TBC1D22A: variants seen among roughly 807,000 people sequenced by gnomAD.
TBC1D22A encodes putative GTPase activator.
Under a neutral mutation model 60.2 loss-of-function variants are expected in TBC1D22A, and 38 were observed. That is an observed-to-expected ratio of 0.63 (90% confidence interval 0.49 to 0.83). The LOEUF (loss-of-function observed/expected upper bound fraction) is 0.83. Among genes scored for constraint, TBC1D22A ranks in the 40% least tolerant of loss-of-function variants. TBC1D22A has a pLI of 0.00. For missense variants in TBC1D22A, 628 were observed against 701.0 expected, an observed-to-expected ratio of 0.90 and a Z score of 1.18; for synonymous variants, 302 against 281.7, an observed-to-expected ratio of 1.07 and a Z score of -0.72.
intron 12 of TBC1D22A, among the ~76,000 whole-genome samples, chr22:47,145,910 G>T (rs1323107013): frequency 6.6e-6 from 1 of 152,230 alleles, no homozygotes; most frequent in Non-Finnish European, 1.5e-5. Flanking sequence ...GCACTGGATT[G>T]CTGGCCTGTC....
At chr22:46,791,590 A>G (rs1409293365) in intron 1 of TBC1D22A, among the ~76,000 whole-genome samples, 3 of 151,622 alleles carry the variant, frequency 2.0e-5, no homozygotes, top group Non-Finnish European at 4.4e-5. Context: ...GCCGGCTATG[A>G]AAAATAAATG....
At chr22:46,943,767 C>G (rs1454914792) in intron 8 of TBC1D22A, among the ~76,000 whole-genome samples, 2 of 152,180 alleles carry the variant, frequency 1.3e-5, no homozygotes, top group Non-Finnish European at 2.9e-5. Flanking sequence ...ATGGATTTGC[C>G]CTTTCTGACA....
intron 8 of TBC1D22A, among the ~76,000 whole-genome samples, chr22:46,925,294 G>C (rs2070986062): frequency 6.6e-6 from 1 of 152,200 alleles, no homozygotes. Flanking sequence ...AAGCATCTGA[G>C]CGTAGCACAT....
Position 47,090,372 on chromosome 22 carries a change from C to G in TBC1D22A, c.1330-21136C>G, listed in dbSNP as rs115052419. On this transcript the variant is annotated intron_variant, in intron 11 of 12. Coordinates refer to ENST00000337137, the MANE Select transcript of TBC1D22A (RefSeq NM_014346.5). ...GCGTCTTGGAGGTGCATAGACATTT[C>G]TGCCTGGATGCCACTCCAGGGTGGA... Among the ~76,000 whole-genome samples the G allele has an allele frequency of 2.1e-3, 321 of 152,392 alleles. 7 individuals are homozygous for G. The highest frequency in any genetic ancestry group is 7.5e-3 in the African/African-American group (312 of 41,598).
intron 8 of TBC1D22A, among the ~76,000 whole-genome samples, chr22:46,952,535 G>T (rs571591423): frequency 6.6e-6 from 1 of 152,314 alleles, no homozygotes; most frequent in South Asian, 2.1e-4. Context: ...GGGTGTGGGT[G>T]TTGGCCTGCA....
intron 12 of TBC1D22A, among the ~76,000 whole-genome samples, chr22:47,127,345 A>G (rs2147105142): frequency 6.7e-6 from 1 of 148,850 alleles, no homozygotes; most frequent in Non-Finnish European, 1.5e-5. Flanking sequence ...CTCCTGCCTC[A>G]GCCCCACGAG....
intron 12 of TBC1D22A, among the ~76,000 whole-genome samples, chr22:47,112,402 C>T (rs1361937463): frequency 2.0e-5 from 3 of 152,248 alleles, no homozygotes; most frequent in African/African-American, 4.8e-5. Flanking sequence ...CTTCACCGCT[C>T]TCCCTTCTCG....
intron 12 of TBC1D22A, among the ~76,000 whole-genome samples, chr22:47,153,165 G>T (rs1316687575): frequency 1.3e-5 from 2 of 152,132 alleles, no homozygotes; most frequent in Non-Finnish European, 2.9e-5. Flanking sequence ...AGTCCAGCCT[G>T]GCAGCAGGAG....
intron 12 of TBC1D22A, chr22:47,116,600 G>A (rs35822012): frequency 0.13 from 19,341 of 152,178 alleles, 1,417 homozygotes; most frequent in Non-Finnish European, 0.18. Context: ...AGCATGCTCC[G>A]GGCAGTCTGT....
Position 47,140,302 on chromosome 22 carries a change from T to TAATGTACTGTG in TBC1D22A, c.1425+28699_1425+28700insAATGTACTGTG, listed in dbSNP as rs1223790442. 2.0e-5 allele frequency among the ~76,000 whole-genome samples: 3 copies of TAATGTACTGTG among 152,218 alleles called. No homozygotes were observed. In the East Asian group the frequency reaches 5.8e-4, roughly 29 times the overall value. ...AAATGCTACTGTGGGCCGGGCGTGG[T>TAATGTACTGTG]GGCTCACGCCTGTAATCCCAGCACT... On this transcript the variant is annotated intron_variant, in intron 12 of 12. Coordinates refer to ENST00000337137, the MANE Select transcript of TBC1D22A (RefSeq NM_014346.5).
intron 11 of TBC1D22A, among the ~76,000 whole-genome samples, chr22:47,049,659 A>G (rs973034239): frequency 1.3e-5 from 2 of 152,178 alleles, no homozygotes; most frequent in African/African-American, 4.8e-5. Flanking sequence ...CACAAATCAA[A>G]TAGTACATAA....
chr22:47,065,658 G>GACTTA (rs60746562), intron 11 of TBC1D22A, among the ~76,000 whole-genome samples: 37 of 151,822 alleles, frequency 2.4e-4, no homozygotes, highest in South Asian at 6.2e-4. Flanking sequence ...TTGGATTGAG[G>GACTTA]GAGACCTGCG....
At chr22:46,862,296 C>T (rs1471378511) in intron 4 of TBC1D22A, among the ~76,000 whole-genome samples, 8 of 151,588 alleles carry the variant, frequency 5.3e-5, no homozygotes, top group Non-Finnish European at 5.9e-5. Context: ...AGTGGGTCCT[C>T]TGTAGATCTC....
chr22:46,783,111 C>T lies in TBC1D22A; in HGVS notation c.63-9409C>T, dbSNP rs146445103. 2.8e-3 allele frequency among the ~76,000 whole-genome samples: 429 copies of T among 152,334 alleles called. 7 individuals are homozygous for T. Among genetic ancestry groups the T allele is most frequent in the East Asian group, 1.3e-3 (7 of 5,194 alleles). On this transcript the variant is annotated intron_variant, in intron 1 of 12. Transcript: ENST00000337137. The stretch of plus-strand genomic sequence containing the variant: ...CGGTCTCTCTGCATCCTCACCATCA[C>T]GCTTTAGCGTCTTTTTCATTTCTGC...
At chr22:46,965,678 G>A (rs933891146) in intron 8 of TBC1D22A, among the ~76,000 whole-genome samples, 1 of 152,228 alleles carries the variant, frequency 6.6e-6, no homozygotes, top group African/African-American at 2.4e-5. Flanking sequence ...ATACACACAG[G>A]CAGAGCCTTG....
At chr22:46,798,325 A>G (rs1601908226) in intron 4 of TBC1D22A, among the ~76,000 whole-genome samples, 1 of 152,172 alleles carries the variant, frequency 6.6e-6, no homozygotes, top group Non-Finnish European at 1.5e-5. Context: ...CATCAACTCA[A>G]TCTGCTGGTT....
intron 11 of TBC1D22A, among the ~76,000 whole-genome samples, chr22:47,081,411 C>T (rs1421268143): frequency 2.0e-5 from 3 of 152,182 alleles, no homozygotes; most frequent in African/African-American, 7.2e-5. Context: ...TTATCAAATG[C>T]TTTTCCCCCT....
chr22:47,020,582 A>G (rs1233504768), intron 10 of TBC1D22A, among the ~76,000 whole-genome samples: 1 of 151,896 alleles, frequency 6.6e-6, no homozygotes, highest in Admixed American at 6.5e-5. Flanking sequence ...ATTCTCTGCC[A>G]TGCCTGGGTT....
chr22:46,940,466 ATAT>A (rs2071923092), intron 8 of TBC1D22A, among the ~76,000 whole-genome samples: 1 of 147,066 alleles, frequency 6.8e-6, no homozygotes, highest in African/African-American at 2.5e-5. Context: ...ATATATATAT[ATAT>A]GTATGTATGT....
Sources: allele counts gnomAD v4.1 joint callset (sites outside exome capture counted in the v4.1 genomes callset), GRCh38; gene constraint gnomAD v4.1.1; transcripts MANE v1.5; gene names NCBI Gene and HGNC (gene_info 2026-07-23, HGNC 2026-07-21).